XIST: variants seen among roughly 807,000 people sequenced by gnomAD.
XIST encodes X inactive specific transcript (non-protein coding).
rs148528821 is a variant in XIST at position 73,846,201 on chromosome X, G to A, written n.6523C>T. 3.1e-3 allele frequency: 1,715 copies of A among 557,016 alleles called. 19 individuals are homozygous for A. The African/African-American group carries it at 0.032, about 10-fold the overall frequency. The allele number at this position is 557,016 out of a possible 1,213,427, so 45.9% of individuals were successfully genotyped here. ...CCAGGCCAGGAAAAAGGGCCTTGGTGATCAGCACCCCTGCTGTACTGCAAA... is the reference window on the plus strand; with the variant it reads ...CCAGGCCAGGAAAAAGGGCCTTGGTAATCAGCACCCCTGCTGTACTGCAAA... On this transcript the variant is annotated non_coding_transcript_exon_variant, in exon 1 of 6. Transcript: ENST00000429829.
At chrX:73,850,617 C>A in exon 1 of XIST, 1 of 531,740 alleles carries the variant, frequency 1.9e-6, no homozygotes, top group Non-Finnish European at 3.4e-6. Flanking sequence ...CGGCTCACCA[C>A]CATGTCCACA....
chrX:73,850,478 G>C, exon 1 of XIST: 1 of 546,739 alleles, frequency 1.8e-6, no homozygotes, highest in Non-Finnish European at 3.3e-6. Context: ...ACATCCAAAA[G>C]ATAAATATAA....
chrX:73,820,867 T>C (rs1922094005), exon 6 of XIST: 1 of 557,777 alleles, frequency 1.8e-6, no homozygotes, highest in South Asian at 2.2e-5. Flanking sequence ...GCTTTTGGAA[T>C]AAATTATCTT....
At chrX:73,824,768 C>T (rs766480561) in exon 6 of XIST, 2 of 558,745 alleles carry the variant, frequency 3.6e-6, no homozygotes. Flanking sequence ...CTCATACTAG[C>T]TCTTTCCTGG....
exon 1 of XIST, chrX:73,850,578 T>A (rs749963140): frequency 2.3e-4 from 124 of 537,831 alleles, no homozygotes; most frequent in Non-Finnish European, 3.3e-4. Flanking sequence ...TGGCCAACGA[T>A]CATCTGTGAT....
exon 6 of XIST, chrX:73,821,190 G>A (rs1407804303): frequency 3.6e-6 from 2 of 557,316 alleles, no homozygotes; most frequent in South Asian, 4.5e-5. Flanking sequence ...AAAATGTACA[G>A]AATGAAAACT....
Position 73,848,683 on chromosome X carries a change from G to C in XIST, n.4041C>G, listed in dbSNP as rs768414641. On this transcript the variant is annotated non_coding_transcript_exon_variant, in exon 1 of 6. Transcript: ENST00000429829. ...CACTCGTTAGCAACATCCCACAGAA[G>C]GTGGGATGGGGTGAGAATCCATTTT... 5.4e-6 allele frequency: 3 copies of C among 558,101 alleles called. No individual in the cohort carries two copies. The South Asian group carries it at 6.7e-5, about 12-fold the overall frequency. The allele number at this position is 558,101 out of a possible 1,213,427, so 46.0% of individuals were successfully genotyped here. A position where few individuals can be genotyped will look rare whatever the true frequency, so the allele number is the denominator to read the frequency against.
chrX:73,849,250 G>GGGT (rs1569512788), exon 1 of XIST: 5 of 558,942 alleles, frequency 8.9e-6, no homozygotes, highest in Non-Finnish European at 6.5e-6. Context: ...AAGCGCAGTA[G>GGGT]GGTGCCTTTG....
At chrX:73,847,266 C>T (rs1368021650) in exon 1 of XIST, 1 of 554,743 alleles carries the variant, frequency 1.8e-6, no homozygotes, top group Non-Finnish European at 3.2e-6. Flanking sequence ...CGGGATTCTA[C>T]TCTAACATAG....
exon 1 of XIST, chrX:73,849,653 G>A (rs777163349): frequency 7.6e-5 from 42 of 556,241 alleles, no homozygotes; most frequent in Admixed American, 6.7e-4. Context: ...AGACAAATGG[G>A]ATTGTATGCA....
intron 1 of XIST, among the ~76,000 whole-genome samples, chrX:73,838,909 A>AT (rs1177902962): frequency 9.0e-6 from 1 of 111,644 alleles, no homozygotes; most frequent in Non-Finnish European, 1.9e-5. Flanking sequence ...GGAAGGCATT[A>AT]GCTCTGTTTA....
chrX:73,852,649 A>G lies in XIST; in HGVS notation n.75T>C, dbSNP rs191198327. 49 of 484,249 alleles carry G rather than the reference A, an allele frequency of 1.0e-4. No individual in the cohort carries two copies. The African/African-American group carries it at 1.0e-3, about 10-fold the overall frequency. The allele number at this position is 484,249 out of a possible 1,213,427, so 39.9% of individuals were successfully genotyped here. On this transcript the variant is annotated non_coding_transcript_exon_variant, in exon 1 of 6. Transcript: ENST00000429829. Reference sequence around the variant, plus strand: ...GTTGGGGGACTAGAAAATGTTCTAGAAAGAACCCCAAGTGCAGAGAGATCT... The same window carrying G: ...GTTGGGGGACTAGAAAATGTTCTAGGAAGAACCCCAAGTGCAGAGAGATCT...
At chrX:73,822,355 T>C (rs776051312) in exon 6 of XIST, 12 of 541,468 alleles carry the variant, frequency 2.2e-5, no homozygotes, top group Non-Finnish European at 3.0e-5. Flanking sequence ...CACACAATGT[T>C]ATTTAGGGAC....
exon 1 of XIST, chrX:73,841,930 T>C (rs1229562579): frequency 1.9e-6 from 1 of 526,803 alleles, no homozygotes; most frequent in Middle Eastern, 3.1e-4. Flanking sequence ...AAAATTTAGG[T>C]AGTTTTTCTA....
At position 73,823,906 on chromosome X, in the gene XIST, G is replaced by A. The variant is rs920398586; in HGVS notation, n.15995C>T. The stretch of plus-strand genomic sequence containing the variant: ...TCATTTTTATATCCTAGGGCATGTA[G>A]TTCCGAGCCCCACAGAAAGTAATCA... On this transcript the variant is annotated non_coding_transcript_exon_variant, in exon 6 of 6. Coordinates refer to ENST00000429829, the Ensembl canonical transcript of XIST. 5.4e-6 allele frequency: 3 copies of A among 554,696 alleles called. No homozygotes were observed. In the African/African-American group the frequency reaches 6.7e-5, roughly 12 times the overall value. 45.7% of individuals were successfully genotyped at this position (554,696 alleles called of 1,213,427 possible).
intron 3 of XIST, chrX:73,831,300 T>C (rs930062477): frequency 2.0e-6 from 1 of 506,223 alleles, no homozygotes; most frequent in Non-Finnish European, 3.5e-6. Context: ...AGAAAAAGTA[T>C]TGAAATGCAG....
chrX:73,827,521 A>T (rs1458168367), exon 6 of XIST: 2 of 539,205 alleles, frequency 3.7e-6, no homozygotes, highest in Non-Finnish European at 6.7e-6. Flanking sequence ...ATAGCCCAAG[A>T]GAGGCAGAAA....
At chrX:73,851,808 G>A in exon 1 of XIST, 2 of 558,900 alleles carry the variant, frequency 3.6e-6, no homozygotes, top group Non-Finnish European at 6.5e-6. Flanking sequence ...GAGTTATGCG[G>A]CAAGTCTAAA....
At chrX:73,834,325 C>A (rs1922440900) in intron 2 of XIST, among the ~76,000 whole-genome samples, 1 of 112,804 alleles carries the variant, frequency 8.9e-6, no homozygotes, top group Admixed American at 9.3e-5. Flanking sequence ...CTCCCCAAGT[C>A]TTCTTAAGCA....
Sources: gnomAD v4.1 joint callset for allele counts (sites outside exome capture counted in the v4.1 genomes callset) on GRCh38, gnomAD v4.1.1 for gene constraint, MANE v1.5 for transcripts, NCBI Gene and HGNC (gene_info 2026-07-23, HGNC 2026-07-21) for gene names.